The following UTP15 variants were observed in gnomAD, a reference collection of about 807,000 sequenced individuals.
UTP15 encodes the protein UTP15 small subunit processome component.
A neutral mutation model predicts 59.1 loss-of-function variants in UTP15; 5 were observed. That is an observed-to-expected ratio of 0.08 (90% CI 0.04 to 0.18). UTP15 has a LOEUF of 0.18. Among genes scored for constraint, UTP15 ranks in the 10% least tolerant of loss-of-function variants. The pLI, the probability that UTP15 is intolerant of heterozygous loss-of-function variation, is 1.00. For synonymous variants in UTP15, 211 were observed against 212.2 expected, an observed-to-expected ratio of 0.99 and a Z score of 0.05; for missense variants, 494 against 616.7, an observed-to-expected ratio of 0.80 and a Z score of 2.11.
chr5:73,568,124 C>T, intron 2 of UTP15, 111 bp from the exon 3 acceptor site: 1 of 781,574 alleles, frequency 1.3e-6, no homozygotes, highest in Non-Finnish European at 1.9e-6. Context: ...TTAAATACAA[C>T]TTAAGAAATG....
At position 73,581,604 on chromosome 5, in the gene UTP15, T is replaced by A. The variant is rs931620775; in HGVS notation, c.*1510T>A. The A allele has an allele frequency of 6.6e-6, 1 of 152,096 alleles. No individual in the cohort carries two copies. Among genetic ancestry groups the A allele is most frequent in the Non-Finnish European group, 1.5e-5 (1 of 68,006 alleles). The allele number at this position is 152,096 out of a possible 1,614,324, so 9.4% of individuals were successfully genotyped here. A position where few individuals can be genotyped will look rare whatever the true frequency, so the allele number is the denominator to read the frequency against. On this transcript the variant is annotated 3_prime_UTR_variant, in exon 13 of 13. Transcript: ENST00000296792. ...CTCTCATAATTTTAGTTCTGTAAAT[T>A]CAGGGTTTTTTTTTGTTTTTTTGTT...
At position 73,580,450 on chromosome 5, in the gene UTP15, G is replaced by A. The variant is rs1234130261; in HGVS notation, c.*356G>A. The A allele has an allele frequency of 6.2e-6, 1 of 162,212 alleles. No individual in the cohort carries two copies. The highest frequency in any genetic ancestry group is 1.8e-4 in the South Asian group (1 of 5,554). 10.0% of individuals were successfully genotyped at this position (162,212 alleles called of 1,614,324 possible). A position where few individuals can be genotyped will look rare whatever the true frequency, so the allele number is the denominator to read the frequency against. ...AATCCTCTCTGGAGAGGGTCCAACT[G>A]GGAATCCTGCTAAAGGAGCAAAGCC... On this transcript the variant is annotated 3_prime_UTR_variant, in exon 13 of 13. Transcript: ENST00000296792.
chr5:73,578,224 T>C (rs1748159960), intron 9 of UTP15: 1 of 476,182 alleles, frequency 2.1e-6, no homozygotes, highest in Admixed American at 4.1e-5. Context: ...CATAATGTTA[T>C]AATGCTTTAC....
At chr5:73,569,036 A>G (rs1233643939) in intron 4 of UTP15, among the ~76,000 whole-genome samples, 2 of 152,204 alleles carry the variant, frequency 1.3e-5, no homozygotes, top group East Asian at 3.8e-4. Context: ...CCCTTAATAA[A>G]TTAAGTGGCC....
At position 73,579,863 on chromosome 5, in the gene UTP15, TTC is replaced by T. The variant is rs1234743425; in HGVS notation, c.1340-8_1340-7del. The T allele has an allele frequency of 1.9e-6, 3 of 1,551,140 alleles. No homozygotes were observed. The highest frequency in any genetic ancestry group is 1.4e-5 in the African/African-American group (1 of 72,308). ...GATATTGCTAGTTAATGTGTTTTCT[TTC>T]TCTCTTTTTAGATATATATCTGCCT... is the stretch of plus-strand genomic sequence containing the variant. On this transcript the variant is annotated splice_polypyrimidine_tract_variant and intron_variant, in intron 12 of 12. Coordinates refer to ENST00000296792, the MANE Select transcript of UTP15 (RefSeq NM_032175.4).
Position 73,581,578 on chromosome 5 carries a change from C to CCT in UTP15, c.*1488_*1489dup. 1 of 151,914 alleles carries CCT rather than the reference C, an allele frequency of 6.6e-6. No homozygotes were observed. The highest frequency in any genetic ancestry group is 1.5e-5 in the Non-Finnish European group (1 of 67,984). 9.4% of individuals were successfully genotyped at this position (151,914 alleles called of 1,614,324 possible). ...GAGGAAGATTTTGTAATGCGAATCT[C>CCT]CTCTCATAATTTTAGTTCTGTAAAT... On this transcript the variant is annotated 3_prime_UTR_variant, in exon 13 of 13. Transcript: ENST00000296792.
intron 7 of UTP15, among the ~76,000 whole-genome samples, chr5:73,576,571 T>G (rs1181756911): frequency 6.6e-6 from 1 of 151,874 alleles, no homozygotes; most frequent in Non-Finnish European, 1.5e-5. Flanking sequence ...ACCTCCCAGG[T>G]TCAAGCAATT....
chr5:73,568,278 A>G lies in UTP15; in HGVS notation c.134A>G (p.Asp45Gly), dbSNP rs1475877941. 1 of 1,611,132 alleles carries G rather than the reference A, an allele frequency of 6.2e-7. No individual in the cohort carries two copies. Among genetic ancestry groups the G allele is most frequent in the Non-Finnish European group, 8.5e-7 (1 of 1,179,276 alleles). ...IKEFGAVSKV[D>G]FSPQPPYNYA... ...GAATTTGGTGCAGTTTCAAAAGTAGACTTTTCTCCTCAGCCTCCATATAAT... is the reference window on the plus strand; with the variant it reads ...GAATTTGGTGCAGTTTCAAAAGTAGGCTTTTCTCCTCAGCCTCCATATAAT... Residue 45 changes from aspartate (D) to glycine (G), a missense_variant, in exon 3 of 13, where the codon GAC (aspartate) becomes GGC (glycine). Asp to Gly is a moderately conservative substitution (Grantham distance 94). Coordinates refer to ENST00000296792, the MANE Select transcript of UTP15 (RefSeq NM_032175.4).
intron 9 of UTP15, 97 bp downstream of exon 9, chr5:73,578,102 A>G (rs1748157049): frequency 7.7e-7 from 1 of 1,303,934 alleles, no homozygotes; most frequent in South Asian, 1.4e-5. Context: ...TTCACATGGC[A>G]CTTTATTTTG....
At chr5:73,572,366 G>T (rs1747955808) in intron 6 of UTP15, 123 bp from the exon 7 acceptor site, 1 of 1,272,726 alleles carries the variant, frequency 7.9e-7, no homozygotes, top group Non-Finnish European at 1.1e-6. Context: ...CAGGCAGCCT[G>T]GCCTGGACTC....
In UTP15 at chr5:73,580,246, G is replaced by A; in HGVS notation, c.*152G>A. 1.7e-6 allele frequency: 1 copy of A among 594,910 alleles called. No individual in the cohort carries two copies. The highest frequency in any genetic ancestry group is 2.8e-6 in the Non-Finnish European group (1 of 353,432). 36.9% of individuals were successfully genotyped at this position (594,910 alleles called of 1,614,324 possible). A position where few individuals can be genotyped will look rare whatever the true frequency, so the allele number is the denominator to read the frequency against. ...TGGAATAATTATGGCCGGAAAACAA[G>A]TACCCGTTTTAAGTAAGACATGGTT... is the stretch of plus-strand genomic sequence containing the variant. On this transcript the variant is annotated 3_prime_UTR_variant, in exon 13 of 13. Coordinates refer to ENST00000296792, the MANE Select transcript of UTP15 (RefSeq NM_032175.4).
At chr5:73,570,393 T>C (rs1370782153) in intron 5 of UTP15, among the ~76,000 whole-genome samples, 193 bp from the exon 6 acceptor site, 1 of 152,236 alleles carries the variant, frequency 6.6e-6, no homozygotes, top group Non-Finnish European at 1.5e-5. Context: ...AGATTCTGTA[T>C]AGTATTATGT....
chr5:73,577,103 C>A (rs981982807), intron 8 of UTP15, 67 bp downstream of exon 8: 12 of 1,214,044 alleles, frequency 9.9e-6, no homozygotes, highest in Non-Finnish European at 1.4e-5. Context: ...TAAAATGGAA[C>A]TTTGGGCTTT....
chr5:73,570,486 T>G, intron 5 of UTP15, 100 bp from the exon 6 acceptor site: 1 of 1,222,698 alleles, frequency 8.2e-7, no homozygotes, highest in Non-Finnish European at 1.1e-6. Context: ...TTTTTAAAAC[T>G]CCATCTAAGC....
rs936738485 is a variant in UTP15, at chr5:73,582,961, A to G, written c.*2867A>G. ...TAAGCACTTGGGAAGGTTTATGCTA[A>G]TGGGGTCAAGCATTTGCAATGCTGC... On this transcript the variant is annotated 3_prime_UTR_variant, in exon 13 of 13. Coordinates refer to ENST00000296792, the MANE Select transcript of UTP15 (RefSeq NM_032175.4). 1.3e-5 allele frequency: 2 copies of G among 152,232 alleles called. No homozygotes were observed. The highest frequency in any genetic ancestry group is 4.8e-5 in the African/African-American group (2 of 41,456). 9.4% of individuals were successfully genotyped at this position (152,232 alleles called of 1,614,324 possible). A position where few individuals can be genotyped will look rare whatever the true frequency, so the allele number is the denominator to read the frequency against.
At chr5:73,579,532 AAGT>A (rs1748232957) in intron 12 of UTP15, among the ~76,000 whole-genome samples, 157 bp downstream of exon 12, 1 of 152,212 alleles carries the variant, frequency 6.6e-6, no homozygotes, top group Non-Finnish European at 1.5e-5. Flanking sequence ...GCAGTTTAAA[AAGT>A]AGTAAAATGT....
Position 73,570,668 on chromosome 5 carries a change from G to C in UTP15, c.630G>C (p.Glu210Asp). ...CCGTTGAGCATGGGCAGCCAGTGGA[G>C]AGTGTCCTACTTTTCCCCTCTGGAG... Reference protein sequence around the residue: ...VLSVEHGQPVESVLLFPSGGL... With the variant: ...VLSVEHGQPVDSVLLFPSGGL... The change falls in exon 6 of 13, where the codon GAG becomes GAC. Residue 210 changes from glutamate (E) to aspartate (D), a missense_variant. Coordinates refer to ENST00000296792, the MANE Select transcript of UTP15 (RefSeq NM_032175.4). 6 of 1,614,214 alleles carry C rather than the reference G, an allele frequency of 3.7e-6. No homozygotes were observed. The highest frequency in any genetic ancestry group is 4.2e-6 in the Non-Finnish European group (5 of 1,180,024).
chr5:73,580,072 A>G lies in UTP15; in HGVS notation c.1535A>G (p.Glu512Gly), dbSNP rs1318212905. 1 of 1,613,462 alleles carries G rather than the reference A, an allele frequency of 6.2e-7. No homozygotes were observed. The highest frequency in any genetic ancestry group is 1.3e-5 in the African/African-American group (1 of 74,916). Residue 512 changes from glutamate to glycine, a missense_variant, in exon 13 of 13, where the codon GAG becomes GGG. By Grantham distance (98) the Glu-to-Gly change is moderately conservative (BLOSUM62 -2). Coordinates refer to ENST00000296792, the MANE Select transcript of UTP15 (RefSeq NM_032175.4). ...GAACACACATCTGATGGATTTCCAGAGAATAAGAAGATAGAATCATAGTGT... is the reference window on the plus strand; with the variant it reads ...GAACACACATCTGATGGATTTCCAGGGAATAAGAAGATAGAATCATAGTGT... ...VLEHTSDGFPENKKIES is the reference protein window; with the variant it reads ...VLEHTSDGFPGNKKIES
At chr5:73,568,194 C>T in intron 2 of UTP15, 41 bp from the exon 3 acceptor site, 1 of 1,432,230 alleles carries the variant, frequency 7.0e-7, no homozygotes. Context: ...ATAGGTCTTA[C>T]CAGTGGTAAC....
Sources: gnomAD v4.1 joint callset for allele counts (sites outside exome capture counted in the v4.1 genomes callset) on GRCh38, gnomAD v4.1.1 for gene constraint, MANE v1.5 for transcripts, NCBI Gene and HGNC (gene_info 2026-07-23, HGNC 2026-07-21) for gene names.